The following ADCY2 variants were observed in gnomAD, a reference collection of about 807,000 sequenced individuals.
ADCY2 encodes adenylate cyclase 2.
ADCY2 carries 31 observed loss-of-function variants against 125.2 expected under a neutral mutation model. The observed-to-expected ratio is 0.25, with a 90% CI of 0.19 to 0.33. The LOEUF (loss-of-function observed/expected upper bound fraction) is 0.33. Ranked by LOEUF, ADCY2 falls within the 10% of genes least tolerant of loss-of-function variation. ADCY2 has a pLI of 1.00. For missense variants in ADCY2, 904 were observed against 1,418.2 expected (o/e 0.64, Z 5.82); for synonymous variants, 512 against 548.4 (o/e 0.93, Z 0.93).
At chr5:7,560,902 G>C (rs1735688376) in intron 3 of ADCY2, among the ~76,000 whole-genome samples, 1 of 152,074 alleles carries the variant, frequency 6.6e-6, no homozygotes, top group Admixed American at 6.6e-5. Flanking sequence ...TGGCCAGGCT[G>C]GTCTCGAACT....
At chr5:7,814,900 T>C (rs1187346403) in intron 22 of ADCY2, among the ~76,000 whole-genome samples, 2 of 152,174 alleles carry the variant, frequency 1.3e-5, no homozygotes, top group African/African-American at 4.8e-5. Context: ...CCAGGTTCCA[T>C]TTCTCCTGGT....
At chr5:7,628,509 A>C (rs1423255928) in intron 4 of ADCY2, among the ~76,000 whole-genome samples, 1 of 152,330 alleles carries the variant, frequency 6.6e-6, no homozygotes, top group South Asian at 2.1e-4. Flanking sequence ...GAACTGAACC[A>C]TCATGGGAGA....
At position 7,755,286 on chromosome 5, in the gene ADCY2, A is replaced by G. The variant is rs1742956302; in HGVS notation, c.1957-2163A>G. ...GGTAGGTACTCAGAGAAATGAGACGAGGGCGCAGGAAAATCAGCCCAAGAA... is the reference window on the plus strand; with the variant it reads ...GGTAGGTACTCAGAGAAATGAGACGGGGGCGCAGGAAAATCAGCCCAAGAA... On this transcript the variant is annotated intron_variant, in intron 15 of 24. Coordinates refer to ENST00000338316, the MANE Select transcript of ADCY2 (RefSeq NM_020546.3). Among the ~76,000 whole-genome samples, 4 of 152,156 alleles carry G rather than the reference A, an allele frequency of 2.6e-5. No homozygotes were observed. The South Asian group carries it at 8.3e-4, about 32-fold the overall frequency.
chr5:7,606,593 C>G (rs953798902), intron 3 of ADCY2, among the ~76,000 whole-genome samples: 2 of 152,174 alleles, frequency 1.3e-5, no homozygotes, highest in African/African-American at 4.8e-5. Context: ...TTCTTGCAGG[C>G]TCTGAAGTGT....
At chr5:7,418,765 C>T (rs756336258) in intron 2 of ADCY2, among the ~76,000 whole-genome samples, 1 of 144,740 alleles carries the variant, frequency 6.9e-6, no homozygotes, top group Non-Finnish European at 1.5e-5. Flanking sequence ...AAGCAGTTCT[C>T]CTGCCTCAGC....
At chr5:7,532,490 A>G (rs1734681747) in intron 3 of ADCY2, among the ~76,000 whole-genome samples, 1 of 152,226 alleles carries the variant, frequency 6.6e-6, no homozygotes, top group South Asian at 2.1e-4. Flanking sequence ...CCAGGAAGAA[A>G]AGAATTATCA....
rs55948354 is a variant in ADCY2, at chr5:7,555,883, C to CAG, written c.570+34986_570+34987dup. ...ACACACACACACACACACACACACA[C>CAG]AGACATGATTCTTGGGTGATAAACA... On this transcript the variant is annotated intron_variant, in intron 3 of 24. Transcript: ENST00000338316. Among the ~76,000 whole-genome samples, 569 of 150,966 alleles carry CAG rather than the reference C, an allele frequency of 3.8e-3. 4 individuals are homozygous for CAG. The highest frequency in any genetic ancestry group is 5.6e-3 in the Non-Finnish European group (376 of 67,714).
At chr5:7,628,744 A>T (rs1428788572) in intron 4 of ADCY2, among the ~76,000 whole-genome samples, 1 of 151,990 alleles carries the variant, frequency 6.6e-6, no homozygotes, top group Non-Finnish European at 1.5e-5. Flanking sequence ...TTCGGAGAAT[A>T]TGTGTCTACG....
chr5:7,558,625 A>G (rs1025670869), intron 3 of ADCY2, among the ~76,000 whole-genome samples: 6 of 152,142 alleles, frequency 3.9e-5, no homozygotes, highest in Admixed American at 3.3e-4. Flanking sequence ...ATTTTCTCCC[A>G]TTCTATAGTT....
At position 7,743,670 on chromosome 5, in the gene ADCY2, C is replaced by T. The variant is rs1205802918; in HGVS notation, c.1874C>T (p.Thr625Met). 1.9e-6 allele frequency: 3 copies of T among 1,613,732 alleles called. No individual in the cohort carries two copies. The highest frequency in any genetic ancestry group is 2.5e-6 in the Non-Finnish European group (3 of 1,179,854). The change falls in exon 15 of 25, where the codon ACG (threonine) becomes ATG (methionine). Residue 625 changes from threonine (T) to methionine (M), a missense_variant and splice_region_variant. Thr to Met is a moderately conservative substitution (Grantham distance 81). Around this residue, in one of 7 missense-constraint regions of ADCY2, gnomAD observed 221 missense variants for 246.2 expected, o/e 0.90. Coordinates refer to ENST00000338316, the MANE Select transcript of ADCY2 (RefSeq NM_020546.3). ...FIVQILVLPKTSVLGISFGAA... is the reference protein window; with the variant it reads ...FIVQILVLPKMSVLGISFGAA... ...TGCTGCTTTTTGTTTCCCGGTAGAA[C>T]GTCCGTCCTGGGCATCTCCTTTGGG...
At chr5:7,564,425 A>G (rs1317799808) in intron 3 of ADCY2, among the ~76,000 whole-genome samples, 1 of 152,164 alleles carries the variant, frequency 6.6e-6, no homozygotes, top group Non-Finnish European at 1.5e-5. Flanking sequence ...GGTTTCCAGC[A>G]TGCTGGGCAC....
chr5:7,533,902 T>C (rs763874580), intron 3 of ADCY2, among the ~76,000 whole-genome samples: 1 of 152,224 alleles, frequency 6.6e-6, no homozygotes, highest in Non-Finnish European at 1.5e-5. Context: ...GCATTTATTG[T>C]GTGTAAATCC....
At chr5:7,539,876 G>A (rs548403822) in intron 3 of ADCY2, among the ~76,000 whole-genome samples, 15 of 152,296 alleles carry the variant, frequency 9.8e-5, no homozygotes, top group South Asian at 8.3e-4. Flanking sequence ...AACCGTAATC[G>A]TATTTCCACT....
chr5:7,518,206 C>A (rs180855017), intron 2 of ADCY2, among the ~76,000 whole-genome samples: 1 of 152,140 alleles, frequency 6.6e-6, no homozygotes, highest in Non-Finnish European at 1.5e-5. Flanking sequence ...CACAGCACAC[C>A]ACCAGTGTGT....
intron 1 of ADCY2, among the ~76,000 whole-genome samples, chr5:7,405,983 C>T (rs1287649408): frequency 6.6e-6 from 1 of 152,084 alleles, no homozygotes; most frequent in Non-Finnish European, 1.5e-5. Flanking sequence ...TCTCAGCCTC[C>T]TGAGTAGCTG....
chr5:7,415,009 A>G (rs906470616), intron 2 of ADCY2, among the ~76,000 whole-genome samples: 1 of 151,968 alleles, frequency 6.6e-6, no homozygotes, highest in Non-Finnish European at 1.5e-5. Flanking sequence ...ATCTGTATGT[A>G]TGTGTATTTG....
chr5:7,769,932 A>G (rs1743506897), intron 17 of ADCY2, among the ~76,000 whole-genome samples: 1 of 152,228 alleles, frequency 6.6e-6, no homozygotes, highest in Non-Finnish European at 1.5e-5. Context: ...TCGGTTCAGT[A>G]TCCTATTGCC....
chr5:7,781,643 C>T (rs1381428028), intron 18 of ADCY2, among the ~76,000 whole-genome samples: 1 of 152,190 alleles, frequency 6.6e-6, no homozygotes, highest in African/African-American at 2.4e-5. Flanking sequence ...TTCTAGCCCC[C>T]ACAACACTGA....
Position 7,581,045 on chromosome 5 carries a change from C to G in ADCY2, c.571-45122C>G, listed in dbSNP as rs148819314. The stretch of plus-strand genomic sequence containing the variant: ...AGTAACTAAGAGCATTATTCACCAG[C>G]AGACGTGAACTGTATGAGAAAGTAA... On this transcript the variant is annotated intron_variant, in intron 3 of 24. Coordinates refer to ENST00000338316, the MANE Select transcript of ADCY2 (RefSeq NM_020546.3). 7.4e-3 allele frequency among the ~76,000 whole-genome samples: 1,129 copies of G among 152,286 alleles called. 12 individuals are homozygous for G. The highest frequency in any genetic ancestry group is 0.026 in the African/African-American group (1,073 of 41,560).
Sources: allele counts gnomAD v4.1 joint callset (sites outside exome capture counted in the v4.1 genomes callset), GRCh38; gene constraint gnomAD v4.1.1; regional missense constraint gnomAD v4.1.1; transcripts MANE v1.5; gene names NCBI Gene and HGNC (gene_info 2026-07-23, HGNC 2026-07-21).